PDCD11: variants seen among roughly 807,000 people sequenced by gnomAD.
PDCD11 encodes the protein protein RRP5 homolog.
PDCD11 carries 97 observed loss-of-function variants against 198.9 expected under a neutral mutation model. The observed-to-expected ratio is 0.49, with a 90% CI of 0.41 to 0.58. The LOEUF (loss-of-function observed/expected upper bound fraction) is 0.58. Among genes scored for constraint, PDCD11 ranks in the 20% least tolerant of loss-of-function variants. PDCD11 has a pLI of 0.00. For synonymous variants in PDCD11, 893 were observed against 918.0 expected (o/e 0.97, Z 0.49); for missense variants, 2,102 against 2,312.7 (o/e 0.91, Z 1.87).
chr10:103,423,165 G>A, intron 18 of PDCD11, 28 bp downstream of exon 18: 2 of 1,517,960 alleles, frequency 1.3e-6, no homozygotes, highest in South Asian at 2.7e-5. Flanking sequence ...ACCCATTGTG[G>A]TTGGTGGGAG....
intron 11 of PDCD11, 53 bp downstream of exon 11, chr10:103,414,383 G>A (rs1592121403): frequency 1.5e-6 from 2 of 1,318,714 alleles, no homozygotes; most frequent in African/African-American, 2.9e-5. Context: ...GCGTTCTTTA[G>A]TTCACGCACA....
rs1427762810 is a variant in PDCD11, at chr10:103,418,431, C to T, written c.1912-9C>T. ...AAGTGCTATTTTTGTCTTTCTCTTC[C>T]CTGGGTAGTTGGTAGATGTGAAGGT... is the stretch of plus-strand genomic sequence containing the variant. On this transcript the variant is annotated splice_polypyrimidine_tract_variant and intron_variant, in intron 14 of 35. Transcript: ENST00000369797. The T allele has an allele frequency of 2.5e-6, 4 of 1,610,348 alleles. No individual in the cohort carries two copies. In the African/African-American group the frequency reaches 5.3e-5, roughly 22 times the overall value.
chr10:103,401,769 G>C (rs550138741), intron 3 of PDCD11, among the ~76,000 whole-genome samples: 10 of 151,024 alleles, frequency 6.6e-5, no homozygotes, highest in Middle Eastern at 3.4e-3. Flanking sequence ...ACGGAGTCTC[G>C]CACAGTCGCC....
At chr10:103,436,457 G>A (rs914941720) in intron 25 of PDCD11, among the ~76,000 whole-genome samples, 1 of 152,332 alleles carries the variant, frequency 6.6e-6, no homozygotes. Flanking sequence ...GCTGCATCCA[G>A]TAGTCAACTG....
rs755930060 is a variant in PDCD11, at chr10:103,427,199, G to A, written c.3306-130G>A. Reference sequence around the variant, plus strand: ...CTTCAGCCTGACACATCTGTCTTCAGTGGTGGTGTGACAGTGGAACAGGGT... The same window carrying A: ...CTTCAGCCTGACACATCTGTCTTCAATGGTGGTGTGACAGTGGAACAGGGT... On this transcript the variant is annotated intron_variant, in intron 20 of 35. Coordinates refer to ENST00000369797, the MANE Select transcript of PDCD11 (RefSeq NM_014976.2). 4 of 775,470 alleles carry A rather than the reference G, an allele frequency of 5.2e-6. No individual in the cohort carries two copies. In the African/African-American group the frequency reaches 6.9e-5, roughly 13 times the overall value. 48.0% of individuals were successfully genotyped at this position (775,470 alleles called of 1,614,324 possible). A position where few individuals can be genotyped will look rare whatever the true frequency, so the allele number is the denominator to read the frequency against.
chr10:103,411,283 A>G (rs541676511), intron 8 of PDCD11, among the ~76,000 whole-genome samples: 1 of 152,116 alleles, frequency 6.6e-6, no homozygotes, highest in Non-Finnish European at 1.5e-5. Context: ...ATCCTAATAT[A>G]TGTTATTCAG....
chr10:103,431,519 G>T (rs1431722721), intron 21 of PDCD11, among the ~76,000 whole-genome samples: 6 of 151,994 alleles, frequency 3.9e-5, no homozygotes, highest in Non-Finnish European at 8.8e-5. Flanking sequence ...TTGAACCTGG[G>T]GGGTGGAAGT....
intron 14 of PDCD11, 51 bp downstream of exon 14, chr10:103,417,983 A>G (rs778102260): frequency 8.8e-6 from 14 of 1,595,174 alleles, no homozygotes; most frequent in East Asian, 2.2e-5. Context: ...GGCAGAGAGC[A>G]GGGAACCACT....
chr10:103,435,015 A>T, intron 25 of PDCD11, 40 bp downstream of exon 25: 1 of 1,365,294 alleles, frequency 7.3e-7, no homozygotes, highest in South Asian at 1.9e-5. Context: ...TGTCTGTGGA[A>T]TTGGTATATT....
At position 103,444,038 on chromosome 10, in the gene PDCD11, C is replaced by T; in HGVS notation, c.5248C>T (p.Arg1750Ter). 3 of 1,612,354 alleles carry T rather than the reference C, an allele frequency of 1.9e-6. No homozygotes were observed. The highest frequency in any genetic ancestry group is 2.5e-6 in the Non-Finnish European group (3 of 1,179,942). Residue 1750 changes from arginine to a stop codon, truncating the protein, a stop_gained, in exon 34 of 36, where the codon CGA (arginine) becomes TGA (stop). Coordinates refer to ENST00000369797, the MANE Select transcript of PDCD11 (RefSeq NM_014976.2). LOFTEE classifies it high-confidence loss of function. ...TGCAGCCAGTCACCGCGTGCTGCAG[C>T]GAGCCCTGGAGTGCCTGCCTAGCAA... ...QAAASHRVLQRALECLPSKEH... is the reference protein window; with the variant it reads ...QAAASHRVLQ
chr10:103,416,814 G>A, intron 13 of PDCD11, 72 bp downstream of exon 13: 1 of 1,542,474 alleles, frequency 6.5e-7, no homozygotes, highest in South Asian at 1.2e-5. Context: ...GGAGCAGTAA[G>A]TAGTGGGGCT....
intron 2 of PDCD11, among the ~76,000 whole-genome samples, chr10:103,398,988 T>G (rs1384362890): frequency 6.6e-6 from 1 of 152,146 alleles, no homozygotes; most frequent in Non-Finnish European, 1.5e-5. Flanking sequence ...CTCTCCTGCC[T>G]GGGCGACAGA....
intron 24 of PDCD11, 176 bp downstream of exon 24, chr10:103,434,526 C>T (rs2133739539): frequency 1.7e-6 from 1 of 604,462 alleles, no homozygotes; most frequent in African/African-American, 1.9e-5. Flanking sequence ...CCCAGTTACT[C>T]CACTGCTCTC....
chr10:103,443,966 G>C lies in PDCD11; in HGVS notation c.5176G>C (p.Ala1726Pro), dbSNP rs1455160842. Reference sequence around the variant, plus strand: ...GCTGAAGCGTTTCCGGCAGGAGAAAGCTGTGTGGATCAAATACGGCGCCTT... The same window carrying C: ...GCTGAAGCGTTTCCGGCAGGAGAAACCTGTGTGGATCAAATACGGCGCCTT... ...RMLKRFRQEK[A>P]VWIKYGAFLL... The change falls in exon 34 of 36, where the codon GCT (alanine) becomes CCT (proline). Residue 1726 changes from alanine to proline, a missense_variant. Ala to Pro is a conservative substitution (Grantham distance 27). Transcript: ENST00000369797. 2 of 1,614,078 alleles carry C rather than the reference G, an allele frequency of 1.2e-6. No individual in the cohort carries two copies. The highest frequency in any genetic ancestry group is 1.3e-5 in the African/African-American group (1 of 74,944).
intron 18 of PDCD11, 151 bp from the exon 19 acceptor site, chr10:103,423,392 C>A: frequency 3.0e-6 from 2 of 662,878 alleles, no homozygotes; most frequent in Non-Finnish European, 5.2e-6. Context: ...GGAGGTAGAC[C>A]CTTGATTTCC....
At chr10:103,442,972 A>G (rs1217968095) in intron 32 of PDCD11, among the ~76,000 whole-genome samples, 193 bp from the exon 33 acceptor site, 1 of 152,086 alleles carries the variant, frequency 6.6e-6, no homozygotes, top group Non-Finnish European at 1.5e-5. Context: ...AGACTCAGCC[A>G]TTGGGGTTGG....
At chr10:103,445,299 G>C (rs2032558413) in intron 35 of PDCD11, 79 bp from the exon 36 acceptor site, 2 of 1,374,936 alleles carry the variant, frequency 1.5e-6, no homozygotes, top group African/African-American at 1.4e-5. Flanking sequence ...CCAGGGCTGA[G>C]AGCAAGTGGG....
intron 24 of PDCD11, 142 bp from the exon 25 acceptor site, chr10:103,434,656 A>G (rs2032074787): frequency 4.7e-6 from 3 of 644,580 alleles, no homozygotes; most frequent in Non-Finnish European, 7.8e-6. Flanking sequence ...GGGTGATCTC[A>G]GTCTAGATGG....
At chr10:103,444,708 G>A (rs781439086) in intron 35 of PDCD11, 26 bp downstream of exon 35, 26 of 1,609,264 alleles carry the variant, frequency 1.6e-5, no homozygotes, top group Admixed American at 1.0e-4. Flanking sequence ...GGCCAAGGCC[G>A]AGTTCCTCAG....
Sources: gnomAD v4.1 joint callset for allele counts (sites outside exome capture counted in the v4.1 genomes callset) on GRCh38, gnomAD v4.1.1 for gene constraint, MANE v1.5 for transcripts, NCBI Gene and HGNC (gene_info 2026-07-23, HGNC 2026-07-21) for gene names.